CANX: variants seen among roughly 807,000 people sequenced by gnomAD.
The protein encoded by CANX is calnexin.
A neutral mutation model predicts 75.7 loss-of-function variants in CANX; 14 were observed. The ratio of observed to expected loss-of-function variants is 0.19; its 90% CI spans 0.12 to 0.29. The LOEUF (loss-of-function observed/expected upper bound fraction) is 0.29, where lower values mean the gene tolerates loss of function less well. Ranked by LOEUF, CANX falls within the 10% of genes least tolerant of loss-of-function variation. CANX has a pLI of 1.00. For synonymous variants in CANX, 227 were observed against 236.9 expected (o/e 0.96, Z 0.38); for missense variants, 567 against 713.2 (o/e 0.79, Z 2.34).
intron 1 of CANX, chr5:179,680,904 T>C: frequency 6.5e-7 from 1 of 1,536,854 alleles, no homozygotes; most frequent in Non-Finnish European, 8.7e-7. Flanking sequence ...GGAGATGGTC[T>C]CTGGAAGCCC....
chr5:179,682,709 CAAAAAAAAAA>C lies in CANX; in HGVS notation c.-4+3942_-4+3951del, dbSNP rs11461581. ...TGGGTGACAGAGCGAGACTCTGTCT[CAAAAAAAAAA>C]AAAAAAAAACCCTAATTCTGATACG... On this transcript the variant is annotated intron_variant, in intron 1 of 14. Coordinates refer to the CANX transcript ENST00000681674. 5.1e-5 allele frequency among the ~76,000 whole-genome samples: 5 copies of C among 97,932 alleles called. No individual in the cohort carries two copies. The East Asian group carries it at 1.2e-3, about 24-fold the overall frequency. 64.2% of individuals were successfully genotyped at this position (97,932 alleles called of 152,430 possible). A position where few individuals can be genotyped will look rare whatever the true frequency, so the allele number is the denominator to read the frequency against.
intron 1 of CANX, chr5:179,680,871 A>G: frequency 1.3e-6 from 2 of 1,536,484 alleles, no homozygotes; most frequent in Non-Finnish European, 1.7e-6. Flanking sequence ...GATGGTACAT[A>G]CCATCCCCAA....
intron 7 of CANX, among the ~76,000 whole-genome samples, chr5:179,715,186 A>G (rs1032829689): frequency 1.3e-5 from 2 of 152,230 alleles, no homozygotes; most frequent in African/African-American, 4.8e-5. Context: ...TGTATTAGAT[A>G]TCTAGGTGTG....
At chr5:179,679,021 G>A (rs1287349352) in intron 1 of CANX, 1 of 1,535,490 alleles carries the variant, frequency 6.5e-7, no homozygotes, top group East Asian at 2.4e-5. Context: ...GGGAGGGCAT[G>A]CGGCGCAGTG....
upstream of CANX, chr5:179,698,825 G>A: frequency 1.3e-6 from 1 of 747,706 alleles, no homozygotes; most frequent in Non-Finnish European, 1.8e-6. Context: ...CGTATGGGAC[G>A]GTGCGTAGAG....
chr5:179,722,163 C>T (rs944046614), intron 10 of CANX, among the ~76,000 whole-genome samples: 1 of 152,192 alleles, frequency 6.6e-6, no homozygotes, highest in African/African-American at 2.4e-5. Flanking sequence ...AACACCATCT[C>T]TACTAAAAGC....
intron 3 of CANX, among the ~76,000 whole-genome samples, chr5:179,706,780 T>A (rs1457858997): frequency 6.6e-6 from 1 of 152,170 alleles, no homozygotes; most frequent in African/African-American, 2.4e-5. Context: ...TTTAATATCT[T>A]CAGTGTTAAC....
chr5:179,719,886 G>A (rs1581888416), intron 9 of CANX, 105 bp downstream of exon 9: 1 of 655,566 alleles, frequency 1.5e-6, no homozygotes, highest in East Asian at 2.8e-5. Context: ...CAGTGGCGCA[G>A]TTTCGGCTCA....
intron 1 of CANX, chr5:179,679,276 A>G (rs1775989743): frequency 6.6e-7 from 1 of 1,514,932 alleles, no homozygotes; most frequent in African/African-American, 1.4e-5. Flanking sequence ...CTGGGAGACA[A>G]GAGTCCGGGT....
chr5:179,709,791 G>T, intron 6 of CANX, 82 bp from the exon 7 acceptor site: 2 of 852,296 alleles, frequency 2.3e-6, no homozygotes, highest in Non-Finnish European at 1.8e-6. Flanking sequence ...TTTTATAAGA[G>T]GAATTATCAT....
chr5:179,681,596 CCCT>C (rs901439843), intron 1 of CANX, among the ~76,000 whole-genome samples: 5 of 152,110 alleles, frequency 3.3e-5, no homozygotes, highest in Admixed American at 2.6e-4. Flanking sequence ...GTCTTTTGTA[CCCT>C]CCTTCTACAT....
At position 179,730,728 on chromosome 5, in the gene CANX, G is replaced by C. The variant is rs1335850654; in HGVS notation, c.*2084G>C. ...CTGATTAAATGTCTGACACATTAAT[G>C]AATGACCAGCAGCAGCTTTCAGCTC... is the stretch of plus-strand genomic sequence containing the variant. On this transcript the variant is annotated 3_prime_UTR_variant, in exon 15 of 15. Transcript: ENST00000247461. The C allele has an allele frequency of 1.3e-5, 2 of 152,172 alleles. No individual in the cohort carries two copies. The highest frequency in any genetic ancestry group is 2.4e-5 in the African/African-American group (1 of 41,448). 9.4% of individuals were successfully genotyped at this position (152,172 alleles called of 1,614,324 possible). A position where few individuals can be genotyped will look rare whatever the true frequency, so the allele number is the denominator to read the frequency against.
Position 179,710,050 on chromosome 5 carries a change from C to A in CANX, c.706C>A (p.His236Asn). The A allele has an allele frequency of 6.3e-7, 1 of 1,582,708 alleles. No homozygotes were observed. The highest frequency in any genetic ancestry group is 8.7e-7 in the Non-Finnish European group (1 of 1,155,966). Residue 236 changes from histidine to asparagine, a missense_variant, in exon 7 of 15, where the codon CAT (histidine) becomes AAT (asparagine). Transcript: ENST00000247461. ...LKTYFTDKKTHLYTLILNPDN... is the reference protein window; with the variant it reads ...LKTYFTDKKTNLYTLILNPDN... ...GACCTATTTTACTGATAAGAAAACA[C>A]ATCTTTACACACTAAGTAAGAAAAA...
Position 179,728,824 on chromosome 5 carries a change from G to A in CANX, c.*180G>A. ...AAACATCTAGCAGTAAATACTTGCAGTTGTGATATAAAGGACCCTGTTTCT... is the reference window on the plus strand; with the variant it reads ...AAACATCTAGCAGTAAATACTTGCAATTGTGATATAAAGGACCCTGTTTCT... On this transcript the variant is annotated 3_prime_UTR_variant, in exon 15 of 15. Coordinates refer to ENST00000247461, the MANE Select transcript of CANX (RefSeq NM_001746.4). The A allele has an allele frequency of 1.4e-6, 1 of 691,274 alleles. No homozygotes were observed. Among genetic ancestry groups the A allele is most frequent in the Non-Finnish European group, 2.7e-6 (1 of 370,200 alleles). The allele number at this position is 691,274 out of a possible 1,614,324, so 42.8% of individuals were successfully genotyped here. A position where few individuals can be genotyped will look rare whatever the true frequency, so the allele number is the denominator to read the frequency against.
upstream of CANX, chr5:179,698,525 C>T (rs1224887442): frequency 5.4e-6 from 7 of 1,289,310 alleles, no homozygotes; most frequent in Non-Finnish European, 7.1e-6. Flanking sequence ...GGACTCCTAC[C>T]CCTTTTGCCG....
At chr5:179,711,646 G>A (rs765998500) in intron 7 of CANX, among the ~76,000 whole-genome samples, 1 of 151,094 alleles carries the variant, frequency 6.6e-6, no homozygotes, top group Non-Finnish European at 1.5e-5. Context: ...AAAATTAGCC[G>A]GGCATGGTGG....
At chr5:179,707,927 C>T (rs1777271668) in intron 4 of CANX, among the ~76,000 whole-genome samples, 1 of 152,110 alleles carries the variant, frequency 6.6e-6, no homozygotes, top group African/African-American at 2.4e-5. Flanking sequence ...ACCTCTGTTT[C>T]TTGGGTTCAA....
intron 8 of CANX, among the ~76,000 whole-genome samples, chr5:179,718,836 G>A (rs941787563): frequency 4.0e-5 from 6 of 150,832 alleles, no homozygotes; most frequent in African/African-American, 1.5e-4. Context: ...CTTAATTTTT[G>A]TATTTTTTGG....
At chr5:179,691,614 T>C (rs1299169024) in intron 1 of CANX, among the ~76,000 whole-genome samples, 1 of 152,040 alleles carries the variant, frequency 6.6e-6, no homozygotes, top group Admixed American at 6.6e-5. Context: ...CAGATGTCAT[T>C]TGGCTCTGGA....
Sources: allele counts gnomAD v4.1 joint callset (sites outside exome capture counted in the v4.1 genomes callset), GRCh38; gene constraint gnomAD v4.1.1; transcripts MANE v1.5; gene names NCBI Gene and HGNC (gene_info 2026-07-23, HGNC 2026-07-21).